FBXO11: variants seen among roughly 807,000 people sequenced by gnomAD.
FBXO11 encodes the protein F-box only protein 11.
In FBXO11, 13 loss-of-function variants were observed where a neutral mutation model predicts 117.0. The ratio of observed to expected loss-of-function variants is 0.11; its 90% CI spans 0.07 to 0.18. The LOEUF (loss-of-function observed/expected upper bound fraction) is 0.18. FBXO11 is among the 10% of genes least tolerant of loss of function. FBXO11 has a pLI of 1.00. For missense variants in FBXO11, 767 were observed against 1,164.4 expected, an observed-to-expected ratio of 0.66 and a Z score of 4.97; for synonymous variants, 490 against 380.5, an observed-to-expected ratio of 1.29 and a Z score of -3.35.
chr2:47,888,202 A>T (rs931546217), intron 1 of FBXO11, among the ~76,000 whole-genome samples: 1 of 152,194 alleles, frequency 6.6e-6, no homozygotes, highest in Non-Finnish European at 1.5e-5. Context: ...CAGTAGGTCC[A>T]ACAACTCATT....
chr2:47,900,050 T>C (rs772938448), intron 1 of FBXO11, among the ~76,000 whole-genome samples: 5 of 152,140 alleles, frequency 3.3e-5, no homozygotes, highest in African/African-American at 9.7e-5. Context: ...TCCAAGCTGG[T>C]TGGCCTTCTC....
At chr2:47,897,568 G>A (rs1054811328) in intron 1 of FBXO11, among the ~76,000 whole-genome samples, 3 of 151,968 alleles carry the variant, frequency 2.0e-5, no homozygotes, top group African/African-American at 7.2e-5. Context: ...ATGGTGGTGT[G>A]CACCTATAAT....
chr2:47,905,559 C>T lies in FBXO11; in HGVS notation c.162G>A (p.Gln54=). The T allele has an allele frequency of 1.6e-6, 2 of 1,251,836 alleles. No individual in the cohort carries two copies. The highest frequency in any genetic ancestry group is 8.3e-5 in the Admixed American group (2 of 24,104). 77.5% of individuals were successfully genotyped at this position (1,251,836 alleles called of 1,614,324 possible). ...QPPPPPQQQQ[Q]QQPPPPPPPP... is the part of the protein sequence containing the mutation. ...GCGGTGGCGGCGGCGGAGGCTGCTGCTGCTGCTGCTGCTGCGGCGGCGGCG... is the reference window on the plus strand; with the variant it reads ...GCGGTGGCGGCGGCGGAGGCTGCTGTTGCTGCTGCTGCTGCGGCGGCGGCG... The change falls in exon 1 of 23, where the codon CAG becomes CAA. Residue 54 remains glutamine (Q), a synonymous_variant. Coordinates refer to ENST00000403359, the MANE Select transcript of FBXO11 (RefSeq NM_001190274.2).
chr2:47,890,351 C>T (rs1325706749), intron 1 of FBXO11, among the ~76,000 whole-genome samples: 1 of 152,070 alleles, frequency 6.6e-6, no homozygotes, highest in African/African-American at 2.4e-5. Flanking sequence ...CCTAAAGTTG[C>T]TGTGAATAAA....
chr2:47,841,945 T>A (rs1033456048), intron 1 of FBXO11, among the ~76,000 whole-genome samples: 2 of 149,276 alleles, frequency 1.3e-5, no homozygotes, highest in Non-Finnish European at 3.0e-5. Context: ...GGCCAAATTA[T>A]TTTTTAAAAA....
intron 12 of FBXO11, among the ~76,000 whole-genome samples, chr2:47,822,779 T>G (rs1458837143): frequency 6.6e-6 from 1 of 152,200 alleles, no homozygotes; most frequent in Non-Finnish European, 1.5e-5. Flanking sequence ...TTTTCCTGAA[T>G]TATTCTATTT....
chr2:47,865,457 T>G (rs1164127772), intron 1 of FBXO11, among the ~76,000 whole-genome samples: 1 of 152,168 alleles, frequency 6.6e-6, no homozygotes, highest in African/African-American at 2.4e-5. Context: ...AACAAATAGT[T>G]TGAACCATAA....
chr2:47,828,819 T>G (rs1331620766), intron 11 of FBXO11, among the ~76,000 whole-genome samples: 1 of 152,204 alleles, frequency 6.6e-6, no homozygotes, highest in Non-Finnish European at 1.5e-5. Context: ...TTCAATGAAG[T>G]GTAGTTGTCC....
At chr2:47,871,658 T>C (rs191540745) in intron 1 of FBXO11, among the ~76,000 whole-genome samples, 17 of 152,336 alleles carry the variant, frequency 1.1e-4, no homozygotes, top group Admixed American at 1.1e-3. Context: ...TGTATTTTTA[T>C]ATTAGGGTGG....
At chr2:47,877,829 C>G (rs1676122898) in intron 1 of FBXO11, among the ~76,000 whole-genome samples, 1 of 152,152 alleles carries the variant, frequency 6.6e-6, no homozygotes, top group Non-Finnish European at 1.5e-5. Flanking sequence ...GGATTACAGG[C>G]GCGTGCCAAC....
chr2:47,892,940 T>C (rs1417269235), intron 1 of FBXO11, among the ~76,000 whole-genome samples: 1 of 151,808 alleles, frequency 6.6e-6, no homozygotes, highest in African/African-American at 2.4e-5. Flanking sequence ...CCAAAGGTAA[T>C]TCAATAAATA....
chr2:47,895,894 AC>A (rs1399538264), intron 1 of FBXO11, among the ~76,000 whole-genome samples: 3 of 152,100 alleles, frequency 2.0e-5, no homozygotes, highest in African/African-American at 7.2e-5. Flanking sequence ...ACAGGGTTTC[AC>A]CATGTTGGCC....
chr2:47,854,865 T>G (rs1475221038), intron 1 of FBXO11, among the ~76,000 whole-genome samples: 1 of 3,624 alleles, frequency 2.8e-4, no homozygotes, highest in East Asian at 0.083. Flanking sequence ...TTTTTTTTGT[T>G]TTTTTTTTTA....
At chr2:47,858,279 G>A (rs758874598) in intron 1 of FBXO11, among the ~76,000 whole-genome samples, 26 of 151,780 alleles carry the variant, frequency 1.7e-4, no homozygotes, top group Non-Finnish European at 3.4e-4. Flanking sequence ...CAAAGTGCTG[G>A]GATTACAGGC....
chr2:47,900,572 G>A (rs562719200), intron 1 of FBXO11, among the ~76,000 whole-genome samples: 3 of 135,996 alleles, frequency 2.2e-5, no homozygotes, highest in South Asian at 2.2e-4. Context: ...ATATACACAC[G>A]TATACACACA....
chr2:47,874,798 G>C lies in FBXO11; in HGVS notation c.232+30691C>G, dbSNP rs530467609. Among the ~76,000 whole-genome samples, 123 of 151,138 alleles carry C rather than the reference G, an allele frequency of 8.1e-4. 1 individual carries two copies. The highest frequency in any genetic ancestry group is 1.1e-3 in the Non-Finnish European group (76 of 67,928). On this transcript the variant is annotated intron_variant, in intron 1 of 22. Coordinates refer to ENST00000403359, the MANE Select transcript of FBXO11 (RefSeq NM_001190274.2). ...GATCCACCCGCCTCAGCCTCCCAAA[G>C]TGCTAGGATTATAGGCATGTGCCAC... is the stretch of plus-strand genomic sequence containing the variant.
intron 11 of FBXO11, among the ~76,000 whole-genome samples, chr2:47,832,118 C>CCAAAA (rs1672239478): frequency 6.6e-6 from 1 of 152,136 alleles, no homozygotes; most frequent in Non-Finnish European, 1.5e-5. Context: ...TTACTCCCCT[C>CCAAAA]AAAGATCACA....
chr2:47,900,926 G>A (rs746516341), intron 1 of FBXO11, among the ~76,000 whole-genome samples: 1 of 138,404 alleles, frequency 7.2e-6, no homozygotes. Flanking sequence ...ATATATACAC[G>A]TATTTATGGA....
chr2:47,837,777 CTGCAG>C (rs1672700438), intron 4 of FBXO11, among the ~76,000 whole-genome samples: 1 of 152,178 alleles, frequency 6.6e-6, no homozygotes, highest in South Asian at 2.1e-4. Context: ...GCCGCCCAGG[CTGCAG>C]TGCAGTGGCA....
Sources: allele counts gnomAD v4.1 joint callset (sites outside exome capture counted in the v4.1 genomes callset), GRCh38; gene constraint gnomAD v4.1.1; transcripts MANE v1.5; gene names NCBI Gene and HGNC (gene_info 2026-07-23, HGNC 2026-07-21).